RALGAPB: variants seen among roughly 807,000 people sequenced by gnomAD.
RALGAPB encodes ral GTPase-activating protein subunit beta.
RALGAPB carries 25 observed loss-of-function variants against 161.1 expected under a neutral mutation model. That is an observed-to-expected ratio of 0.16 (90% CI 0.11 to 0.22). The LOEUF (loss-of-function observed/expected upper bound fraction) is 0.22, where lower values mean the gene tolerates loss of function less well. Among genes scored for constraint, RALGAPB ranks in the 10% least tolerant of loss-of-function variants. The pLI, the probability that RALGAPB is intolerant of heterozygous loss-of-function variation, is 1.00. For missense variants in RALGAPB, 1,391 were observed against 1,815.2 expected (o/e 0.77, Z 4.25); for synonymous variants, 629 against 626.1 (o/e 1.00, Z -0.07).
chr20:38,500,983 G>A (rs1014936066), intron 5 of RALGAPB, among the ~76,000 whole-genome samples: 2 of 152,200 alleles, frequency 1.3e-5, no homozygotes, highest in Middle Eastern at 3.2e-3. Flanking sequence ...AGAGGCCGAG[G>A]TTGGTTCATG....
intron 1 of RALGAPB, among the ~76,000 whole-genome samples, chr20:38,475,588 T>TA (rs1162051403): frequency 1.3e-5 from 2 of 152,040 alleles, no homozygotes; most frequent in Non-Finnish European, 2.9e-5. Flanking sequence ...TAGACTGAAT[T>TA]AAAAACACAT....
intron 24 of RALGAPB, among the ~76,000 whole-genome samples, chr20:38,564,944 CCT>C (rs375027087): frequency 9.9e-4 from 147 of 147,782 alleles, no homozygotes; most frequent in Middle Eastern, 3.4e-3. Context: ...CCTCTTCCCC[CCT>C]CTCTCTCTCT....
At chr20:38,523,972 A>G (rs2086376551) in intron 10 of RALGAPB, among the ~76,000 whole-genome samples, 1 of 152,182 alleles carries the variant, frequency 6.6e-6, no homozygotes, top group Admixed American at 6.5e-5. Context: ...GTATGGTTTT[A>G]GTTGAGTTCT....
chr20:38,534,809 G>C (rs2086754117), intron 15 of RALGAPB, among the ~76,000 whole-genome samples: 1 of 152,212 alleles, frequency 6.6e-6, no homozygotes, highest in East Asian at 1.9e-4. Context: ...TTATGAAAAT[G>C]ACACTGAAAC....
At chr20:38,504,789 A>G (rs540395475) in intron 5 of RALGAPB, among the ~76,000 whole-genome samples, 4 of 152,368 alleles carry the variant, frequency 2.6e-5, no homozygotes, top group South Asian at 4.1e-4. Flanking sequence ...ACTTATCAAA[A>G]GAAGACATAT....
chr20:38,519,483 A>G (rs1162045944), intron 9 of RALGAPB, among the ~76,000 whole-genome samples: 2 of 152,110 alleles, frequency 1.3e-5, no homozygotes, highest in African/African-American at 4.8e-5. Context: ...GAATGGCTCA[A>G]CCTGTTGCTT....
Position 38,499,404 on chromosome 20 carries a change from AAAAATAAGTTTG to A in RALGAPB, c.554-42_554-31del, listed in dbSNP as rs780968226. On this transcript the variant is annotated intron_variant, in intron 4 of 29. Coordinates refer to ENST00000262879, the MANE Select transcript of RALGAPB (RefSeq NM_020336.4). Reference sequence around the variant, plus strand: ...ATCAGTGTCTTAAAGATTCTGCTTTAAAAATAAGTTTGCCAAAGATGTGTTTTCTTTTTGTTG... The same window carrying A: ...ATCAGTGTCTTAAAGATTCTGCTTTACCAAAGATGTGTTTTCTTTTTGTTG... The A allele has an allele frequency of 4.9e-5, 74 of 1,519,470 alleles. No individual in the cohort carries two copies. The East Asian group carries it at 1.7e-3, about 35-fold the overall frequency. The allele number at this position is 1,519,470 out of a possible 1,614,324, so 94.1% of individuals were successfully genotyped here. A position where few individuals can be genotyped will look rare whatever the true frequency, so the allele number is the denominator to read the frequency against.
rs772729906 is a variant in RALGAPB at position 38,541,212 on chromosome 20, G to A, written c.2714+20G>A. ...AACATGGTATGGAAGTGACCGCACAGGGATTGTGCCTAGGAATTAGATGGG... is the reference window on the plus strand; with the variant it reads ...AACATGGTATGGAAGTGACCGCACAAGGATTGTGCCTAGGAATTAGATGGG... On this transcript the variant is annotated intron_variant, in intron 18 of 29. Coordinates refer to ENST00000262879, the MANE Select transcript of RALGAPB (RefSeq NM_020336.4). The A allele has an allele frequency of 4.3e-6, 7 of 1,611,364 alleles. No homozygotes were observed. The South Asian group carries it at 7.7e-5, about 18-fold the overall frequency.
chr20:38,554,403 A>G (rs2087503897), intron 22 of RALGAPB, among the ~76,000 whole-genome samples: 1 of 152,242 alleles, frequency 6.6e-6, no homozygotes, highest in South Asian at 2.1e-4. Flanking sequence ...AATGTTAAAA[A>G]TCTTCCCCTA....
At position 38,577,443 on chromosome 20, in the gene RALGAPB, T is replaced by C. The variant is rs2088477415; in HGVS notation, c.*2476T>C. ...TGTGGCTTAAACAGTTCAGTTGCTA[T>C]ATCTGTTGGGTATGCCGGGGGTGGA... On this transcript the variant is annotated 3_prime_UTR_variant, in exon 30 of 30. Coordinates refer to ENST00000262879, the MANE Select transcript of RALGAPB (RefSeq NM_020336.4). 2 of 152,166 alleles carry C rather than the reference T, an allele frequency of 1.3e-5. No homozygotes were observed. Among genetic ancestry groups the C allele is most frequent in the South Asian group, 4.1e-4 (2 of 4,826 alleles). 9.4% of individuals were successfully genotyped at this position (152,166 alleles called of 1,614,324 possible). A position where few individuals can be genotyped will look rare whatever the true frequency, so the allele number is the denominator to read the frequency against.
At chr20:38,525,601 CAG>C in intron 12 of RALGAPB, 83 bp downstream of exon 12, 2 of 1,063,082 alleles carry the variant, frequency 1.9e-6, no homozygotes, top group East Asian at 2.5e-5. Context: ...AAAAATGAAA[CAG>C]GAGCTTTTTT....
chr20:38,527,332 G>A (rs2086503270), intron 13 of RALGAPB, among the ~76,000 whole-genome samples: 2 of 152,066 alleles, frequency 1.3e-5, no homozygotes, highest in African/African-American at 2.4e-5. Context: ...TAAAACTGAG[G>A]GACAGATCCT....
intron 15 of RALGAPB, among the ~76,000 whole-genome samples, chr20:38,534,850 T>A (rs1239692046): frequency 6.6e-6 from 1 of 152,236 alleles, no homozygotes; most frequent in Admixed American, 6.5e-5. Flanking sequence ...TCAAAGTGCG[T>A]GAACCAGGAA....
In RALGAPB at chr20:38,493,181, A is replaced by G. The variant is rs766902042; in HGVS notation, c.389+49A>G. On this transcript the variant is annotated intron_variant, in intron 3 of 29. Transcript: ENST00000262879. Reference sequence around the variant, plus strand: ...CCCATTATCAGGGTCATAGTAAAATATTCATAAACGTTACTATAGTATAGG... The same window carrying G: ...CCCATTATCAGGGTCATAGTAAAATGTTCATAAACGTTACTATAGTATAGG... 3.5e-6 allele frequency: 5 copies of G among 1,445,492 alleles called. No individual in the cohort carries two copies. In the South Asian group the frequency reaches 5.9e-5, roughly 17 times the overall value. 89.5% of individuals were successfully genotyped at this position (1,445,492 alleles called of 1,614,324 possible).
rs1354588557 is a variant in RALGAPB at position 38,570,762 on chromosome 20, C to A, written c.4064-7C>A. ...ATATTAATTGTAATGCTATTATTTTCTTCCAGAAAACTTTCCCCTCTCAGA... is the reference window on the plus strand; with the variant it reads ...ATATTAATTGTAATGCTATTATTTTATTCCAGAAAACTTTCCCCTCTCAGA... On this transcript the variant is annotated splice_region_variant and splice_polypyrimidine_tract_variant and intron_variant, in intron 27 of 29. Coordinates refer to ENST00000262879, the MANE Select transcript of RALGAPB (RefSeq NM_020336.4). 2 of 1,564,624 alleles carry A rather than the reference C, an allele frequency of 1.3e-6. No homozygotes were observed. The highest frequency in any genetic ancestry group is 1.7e-5 in the Admixed American group (1 of 58,386).
chr20:38,495,348 T>C (rs143823109), intron 3 of RALGAPB, among the ~76,000 whole-genome samples: 1 of 152,316 alleles, frequency 6.6e-6, no homozygotes, highest in East Asian at 1.9e-4. Flanking sequence ...TAAAGTTGGT[T>C]AAGGTTTTAA....
chr20:38,554,539 A>G (rs1299133591), intron 22 of RALGAPB, among the ~76,000 whole-genome samples: 3 of 152,238 alleles, frequency 2.0e-5, no homozygotes, highest in Non-Finnish European at 4.4e-5. Flanking sequence ...CCAGTTTGTA[A>G]GATCAAACTG....
chr20:38,498,749 T>C (rs1466884895), intron 4 of RALGAPB, among the ~76,000 whole-genome samples: 3 of 152,252 alleles, frequency 2.0e-5, no homozygotes, highest in Non-Finnish European at 4.4e-5. Context: ...TTTTTCCACC[T>C]GGTTCCAGGG....
intron 3 of RALGAPB, among the ~76,000 whole-genome samples, chr20:38,493,355 T>G (rs901842774): frequency 6.6e-6 from 1 of 152,248 alleles, no homozygotes; most frequent in African/African-American, 2.4e-5. Context: ...TTAGCTTTGC[T>G]TCTAAAATCT....
Sources: allele counts gnomAD v4.1 joint callset (sites outside exome capture counted in the v4.1 genomes callset), GRCh38; gene constraint gnomAD v4.1.1; transcripts MANE v1.5; gene names NCBI Gene and HGNC (gene_info 2026-07-23, HGNC 2026-07-21).